The following NAA35 variants were observed in gnomAD, a reference collection of about 807,000 sequenced individuals.
NAA35 encodes MAK10 homolog, amino-acid N-acetyltransferase subunit.
In NAA35, 18 loss-of-function variants were observed where a neutral mutation model predicts 101.7. That is an observed-to-expected ratio of 0.18 (90% CI 0.12 to 0.26). NAA35 has a LOEUF of 0.26. Ranked by LOEUF, NAA35 falls within the 10% of genes least tolerant of loss-of-function variation. The pLI is 1.00. For synonymous variants in NAA35, 267 were observed against 273.1 expected (o/e 0.98, Z 0.22); for missense variants, 601 against 886.8 (o/e 0.68, Z 4.09).
At chr9:85,977,305 G>T in intron 9 of NAA35, 58 bp from the exon 10 acceptor site, 1 of 1,174,656 alleles carries the variant, frequency 8.5e-7, no homozygotes, top group South Asian at 1.2e-5. Flanking sequence ...TATTTTAAAT[G>T]AAATTCCTTT....
chr9:85,959,082 A>G (rs1829396338), intron 4 of NAA35, among the ~76,000 whole-genome samples: 1 of 152,192 alleles, frequency 6.6e-6, no homozygotes, highest in African/African-American at 2.4e-5. Context: ...ATTTTAAAAA[A>G]TCTTTAGTTT....
chr9:85,942,380 A>C, intron 2 of NAA35, 97 bp downstream of exon 2: 1 of 1,504,766 alleles, frequency 6.6e-7, no homozygotes, highest in Non-Finnish European at 8.9e-7. Context: ...ATCAACAGGT[A>C]AATGTGGTTT....
At chr9:85,965,474 A>G (rs1253770550) in intron 6 of NAA35, among the ~76,000 whole-genome samples, 5 of 152,092 alleles carry the variant, frequency 3.3e-5, no homozygotes, top group African/African-American at 1.2e-4. Context: ...CAAAAAATAC[A>G]AAAATTAGCT....
chr9:85,967,812 G>A (rs1193763512), intron 6 of NAA35, among the ~76,000 whole-genome samples: 1 of 147,620 alleles, frequency 6.8e-6, no homozygotes, highest in African/African-American at 2.5e-5. Flanking sequence ...AAAAAAAAAA[G>A]ATTTATAATG....
At chr9:85,943,376 G>A (rs1241192270) in intron 2 of NAA35, among the ~76,000 whole-genome samples, 1 of 152,104 alleles carries the variant, frequency 6.6e-6, no homozygotes, top group African/African-American at 2.4e-5. Context: ...ACTGGTGAAG[G>A]AATTCACTCC....
chr9:85,994,682 A>G (rs1831079030), intron 11 of NAA35, among the ~76,000 whole-genome samples: 2 of 152,226 alleles, frequency 1.3e-5, no homozygotes, highest in Non-Finnish European at 1.5e-5. Flanking sequence ...TACTTTTAGA[A>G]TAACTTACTT....
intron 2 of NAA35, among the ~76,000 whole-genome samples, chr9:85,947,080 A>G (rs11141157): frequency 0.091 from 13,896 of 152,214 alleles, 782 homozygotes; most frequent in Non-Finnish European, 0.13. Flanking sequence ...TGGATCTGGG[A>G]CTACGGAAGT....
At chr9:86,006,870 ATTG>A (rs1831667600) in intron 13 of NAA35, among the ~76,000 whole-genome samples, 1 of 152,186 alleles carries the variant, frequency 6.6e-6, no homozygotes, top group African/African-American at 2.4e-5. Flanking sequence ...AATACAGTGG[ATTG>A]TTAAGGAAAG....
chr9:85,967,110 G>C (rs946906732), intron 6 of NAA35, among the ~76,000 whole-genome samples: 1 of 152,150 alleles, frequency 6.6e-6, no homozygotes, highest in African/African-American at 2.4e-5. Flanking sequence ...CTGCACTCCA[G>C]CCTGGGTGAC....
chr9:85,954,992 A>G (rs559839193), intron 2 of NAA35, among the ~76,000 whole-genome samples: 16 of 152,126 alleles, frequency 1.1e-4, no homozygotes, highest in African/African-American at 3.4e-4. Flanking sequence ...ATCTCGGCTC[A>G]CTGCAACCTC....
intron 8 of NAA35, 53 bp from the exon 9 acceptor site, chr9:85,976,632 T>C (rs1830224854): frequency 3.1e-6 from 4 of 1,297,846 alleles, no homozygotes; most frequent in Non-Finnish European, 3.2e-6. Context: ...TATGTATTTG[T>C]AATGTAATAT....
At chr9:86,017,749 T>C (rs2118492562) in intron 19 of NAA35, among the ~76,000 whole-genome samples, 184 bp downstream of exon 19, 1 of 152,350 alleles carries the variant, frequency 6.6e-6, no homozygotes, top group East Asian at 1.9e-4. Context: ...CTTGCTTATG[T>C]GTGAGACACT....
chr9:86,014,893 A>G (rs1832127025), intron 17 of NAA35, among the ~76,000 whole-genome samples: 1 of 152,204 alleles, frequency 6.6e-6, no homozygotes, highest in Admixed American at 6.5e-5. Context: ...TACTTTGGAT[A>G]CTACATTTTG....
At chr9:85,978,235 T>C (rs1440341839) in intron 10 of NAA35, 32 bp from the exon 11 acceptor site, 2 of 1,254,784 alleles carry the variant, frequency 1.6e-6, no homozygotes, top group South Asian at 1.2e-5. Flanking sequence ...TGAAAGAATA[T>C]GTAAGAATGT....
chr9:85,966,631 A>G (rs981137309), intron 6 of NAA35: 95 of 1,298,108 alleles, frequency 7.3e-5, no homozygotes, highest in Non-Finnish European at 9.5e-5. Context: ...ATTTTCATGA[A>G]TATAATTTTA....
intron 3 of NAA35, 45 bp downstream of exon 3, chr9:85,956,438 C>T: frequency 1.7e-6 from 2 of 1,195,342 alleles, no homozygotes; most frequent in Non-Finnish European, 2.3e-6. Context: ...ATGTTTCAGT[C>T]TGTTTTTTTT....
rs972762594 is a variant in NAA35, at chr9:85,977,309, T to G, written c.679-54T>G. 5.0e-6 allele frequency: 6 copies of G among 1,211,708 alleles called. No homozygotes were observed. The Admixed American group carries it at 5.1e-5, about 10-fold the overall frequency. The allele number at this position is 1,211,708 out of a possible 1,614,324, so 75.1% of individuals were successfully genotyped here. The stretch of plus-strand genomic sequence containing the variant: ...AGGAGTTAATATATTTTAAATGAAA[T>G]TCCTTTCACGGGCTTTGCATCTTTT... On this transcript the variant is annotated intron_variant, in intron 9 of 22. Transcript: ENST00000361671.
chr9:85,954,458 C>T (rs1019642868), intron 2 of NAA35, among the ~76,000 whole-genome samples: 3 of 152,194 alleles, frequency 2.0e-5, no homozygotes, highest in African/African-American at 7.2e-5. Flanking sequence ...ACCAGCAGTG[C>T]ACAAGGGTTT....
intron 6 of NAA35, chr9:85,966,798 T>C (rs143839871): frequency 9.1e-5 from 30 of 328,020 alleles, no homozygotes; most frequent in African/African-American, 6.6e-4. Flanking sequence ...ATTTCACCTC[T>C]ATAACTCAGC....
Sources: gnomAD v4.1 joint callset for allele counts (sites outside exome capture counted in the v4.1 genomes callset) on GRCh38, gnomAD v4.1.1 for gene constraint, MANE v1.5 for transcripts, NCBI Gene and HGNC (gene_info 2026-07-23, HGNC 2026-07-21) for gene names.